The following CNTLN variants were observed in gnomAD, a reference collection of about 807,000 sequenced individuals.
CNTLN encodes the protein centlein.
CNTLN carries 212 observed loss-of-function variants against 180.0 expected under a neutral mutation model. The ratio of observed to expected loss-of-function variants is 1.18; its 90% CI spans 1.05 to 1.32. CNTLN has a LOEUF of 1.32. Among genes scored for constraint, CNTLN ranks in the 40% most tolerant of loss-of-function variants. CNTLN has a pLI of 0.00. For synonymous variants in CNTLN, 722 were observed against 563.1 expected (o/e 1.28, Z -3.99); for missense variants, 2,095 against 1,610.9 (o/e 1.30, Z -5.14).
At chr9:17,400,621 T>C (rs1238632890) in intron 15 of CNTLN, among the ~76,000 whole-genome samples, 1 of 152,194 alleles carries the variant, frequency 6.6e-6, no homozygotes, top group Admixed American at 6.5e-5. Context: ...TATTCATAGA[T>C]ACGTTGTGAG....
At chr9:17,235,067 G>A (rs1232962707) in intron 3 of CNTLN, among the ~76,000 whole-genome samples, 1 of 152,120 alleles carries the variant, frequency 6.6e-6, no homozygotes, top group African/African-American at 2.4e-5. Flanking sequence ...GAGAAACAAG[G>A]AAAGCTAAAA....
chr9:17,307,458 C>T (rs918663077), intron 7 of CNTLN, among the ~76,000 whole-genome samples: 4 of 151,872 alleles, frequency 2.6e-5, no homozygotes, highest in African/African-American at 7.3e-5. Flanking sequence ...TTGGTAGAGA[C>T]GGGGATTCGT....
At chr9:17,356,542 CAGGTAAACCGTTAT>C (rs2133345496) in intron 12 of CNTLN, among the ~76,000 whole-genome samples, 1 of 152,228 alleles carries the variant, frequency 6.6e-6, no homozygotes, top group South Asian at 2.1e-4. Context: ...GGCTTGGGAC[CAGGTAAACCGTTAT>C]AGCTAAGAAA....
intron 2 of CNTLN, among the ~76,000 whole-genome samples, chr9:17,146,704 G>C (rs1472796945): frequency 6.6e-6 from 1 of 151,768 alleles, no homozygotes; most frequent in Non-Finnish European, 1.5e-5. Flanking sequence ...CCCAATCTAA[G>C]GTATTTTGTT....
chr9:17,352,417 T>TATATA lies in CNTLN; in HGVS notation c.1886+9973_1886+9974insATATA, dbSNP rs1491260148. On this transcript the variant is annotated intron_variant, in intron 12 of 25. Coordinates refer to ENST00000380647, the MANE Select transcript of CNTLN (RefSeq NM_017738.4). Reference sequence around the variant, plus strand: ...ATATATATATATATATATATATATATTTTTTTTTTTTTTGGTATGTAGAAA... The same window carrying TATATA: ...ATATATATATATATATATATATATATATATATTTTTTTTTTTTTGGTATGTAGAAA... Among the ~76,000 whole-genome samples, 26 of 12,342 alleles carry TATATA rather than the reference T, an allele frequency of 2.1e-3. 1 individual carries two copies. Among genetic ancestry groups the TATATA allele is most frequent in the East Asian group, 0.018 (8 of 442 alleles). The allele number at this position is 12,342 out of a possible 152,430, so 8.1% of individuals were successfully genotyped here. A position where few individuals can be genotyped will look rare whatever the true frequency, so the allele number is the denominator to read the frequency against.
chr9:17,203,681 T>C (rs1314136547), intron 2 of CNTLN, among the ~76,000 whole-genome samples: 7 of 152,196 alleles, frequency 4.6e-5, no homozygotes, highest in Non-Finnish European at 1.0e-4. Context: ...CTCAGCCTCC[T>C]GAGTAGCCGG....
intron 5 of CNTLN, among the ~76,000 whole-genome samples, chr9:17,240,217 A>G (rs2132186154): frequency 6.6e-6 from 1 of 152,144 alleles, no homozygotes. Context: ...TTTTGATGCT[A>G]TTGTAATCGG....
At chr9:17,256,202 T>C (rs1826476985) in intron 5 of CNTLN, among the ~76,000 whole-genome samples, 1 of 151,966 alleles carries the variant, frequency 6.6e-6, no homozygotes, top group Non-Finnish European at 1.5e-5. Context: ...TATTCTGTTG[T>C]GATGCATATA....
intron 19 of CNTLN, among the ~76,000 whole-genome samples, chr9:17,461,333 G>A (rs1831436182): frequency 6.6e-6 from 1 of 151,702 alleles, no homozygotes; most frequent in Non-Finnish European, 1.5e-5. Flanking sequence ...AGTGTGACTA[G>A]TGTGGAACAT....
At chr9:17,495,455 C>T (rs926698855) in intron 25 of CNTLN, among the ~76,000 whole-genome samples, 4 of 151,742 alleles carry the variant, frequency 2.6e-5, no homozygotes, top group Non-Finnish European at 4.4e-5. Context: ...TTAATTAAAA[C>T]GTTTAAAAAT....
rs201112698 is a variant in CNTLN at position 17,306,824 on chromosome 9, A to G, written c.1147-2234A>G. On this transcript the variant is annotated intron_variant, in intron 7 of 25. Transcript: ENST00000380647. ...GATTGGGTAAATATTGGTTAGTGTA[A>G]ATAATGCACCCGAGATTAGAAAGTG... Among the ~76,000 whole-genome samples the G allele has an allele frequency of 2.6e-5, 4 of 152,210 alleles. No individual in the cohort carries two copies. The East Asian group carries it at 5.8e-4, about 22-fold the overall frequency.
At chr9:17,291,223 G>A (rs566322503) in intron 6 of CNTLN, among the ~76,000 whole-genome samples, 13 of 152,262 alleles carry the variant, frequency 8.5e-5, no homozygotes, top group African/African-American at 2.2e-4. Context: ...TCCCAAGTAC[G>A]TGACTGATTT....
intron 12 of CNTLN, among the ~76,000 whole-genome samples, chr9:17,364,298 C>T (rs986823455): frequency 6.6e-6 from 1 of 152,062 alleles, no homozygotes; most frequent in African/African-American, 2.4e-5. Flanking sequence ...TTGTATACCT[C>T]TACTGTTTTC....
chr9:17,407,504 A>G (rs562106871), intron 15 of CNTLN, among the ~76,000 whole-genome samples: 3 of 152,326 alleles, frequency 2.0e-5, no homozygotes, highest in Admixed American at 1.3e-4. Context: ...AAGATCCCCA[A>G]AGATCTCAGT....
intron 18 of CNTLN, among the ~76,000 whole-genome samples, chr9:17,449,571 C>T (rs1450810954): frequency 6.6e-6 from 1 of 151,828 alleles, no homozygotes; most frequent in East Asian, 1.9e-4. Context: ...AACAAACCAA[C>T]AGTCAAACTC....
intron 5 of CNTLN, among the ~76,000 whole-genome samples, chr9:17,271,488 A>G (rs1339624703): frequency 6.6e-6 from 1 of 152,020 alleles, no homozygotes; most frequent in Non-Finnish European, 1.5e-5. Context: ...TAGGTTTTTC[A>G]TGAAAATTGT....
intron 15 of CNTLN, among the ~76,000 whole-genome samples, chr9:17,406,923 T>C (rs1277394417): frequency 6.6e-6 from 1 of 150,470 alleles, no homozygotes; most frequent in Non-Finnish European, 1.5e-5. Context: ...GAGTGTCTTA[T>C]TGTGAAATAT....
chr9:17,241,016 A>C (rs985313850), intron 5 of CNTLN, among the ~76,000 whole-genome samples: 1 of 151,850 alleles, frequency 6.6e-6, no homozygotes, highest in Admixed American at 6.6e-5. Flanking sequence ...CCGGCACCAC[A>C]CCCGGCTAAT....
Position 17,317,728 on chromosome 9 carries a change from G to C in CNTLN, c.1341+8476G>C, listed in dbSNP as rs557885444. Reference sequence around the variant, plus strand: ...GAAGAAGTGAATCATTTAGATATCTGATGAAGAGCATTCTAAACAGAGAGA... The same window carrying C: ...GAAGAAGTGAATCATTTAGATATCTCATGAAGAGCATTCTAAACAGAGAGA... On this transcript the variant is annotated intron_variant, in intron 8 of 25. Coordinates refer to ENST00000380647, the MANE Select transcript of CNTLN (RefSeq NM_017738.4). Among the ~76,000 whole-genome samples, 27 of 152,308 alleles carry C rather than the reference G, an allele frequency of 1.8e-4. No individual in the cohort carries two copies. The East Asian group carries it at 5.0e-3, about 28-fold the overall frequency.
Sources: gnomAD v4.1 joint callset for allele counts (sites outside exome capture counted in the v4.1 genomes callset) on GRCh38, gnomAD v4.1.1 for gene constraint, MANE v1.5 for transcripts, NCBI Gene and HGNC (gene_info 2026-07-23, HGNC 2026-07-21) for gene names.